MTMR7: variants seen among roughly 807,000 people sequenced by gnomAD.
MTMR7 encodes myotubularin related protein 7.
In MTMR7, 76 loss-of-function variants were observed where a neutral mutation model predicts 81.2. That is an observed-to-expected ratio of 0.94 (90% CI 0.78 to 1.13). MTMR7 has a LOEUF of 1.13. MTMR7 is among the 50% of genes most tolerant of loss of function. The probability of loss-of-function intolerance (pLI) is 0.00; values close to 1 mark genes in which losing one functional copy is unlikely to be tolerated. For missense variants in MTMR7, 1,044 were observed against 820.0 expected (o/e 1.27, Z -3.34); for synonymous variants, 372 against 289.8 (o/e 1.28, Z -2.88).
At chr8:17,391,131 G>C (rs1027330476) in intron 1 of MTMR7, among the ~76,000 whole-genome samples, 1 of 152,182 alleles carries the variant, frequency 6.6e-6, no homozygotes, top group African/African-American at 2.4e-5. Context: ...GGGTCTACGA[G>C]GACGTGAGGA....
chr8:17,378,895 CA>C (rs373332340), intron 1 of MTMR7, among the ~76,000 whole-genome samples: 177 of 152,098 alleles, frequency 1.2e-3, no homozygotes, highest in African/African-American at 4.1e-3. Flanking sequence ...TAGTCTTTAG[CA>C]CATAAAAGAT....
At chr8:17,364,172 G>T (rs1820148748) in intron 3 of MTMR7, among the ~76,000 whole-genome samples, 1 of 151,652 alleles carries the variant, frequency 6.6e-6, no homozygotes, top group Non-Finnish European at 1.5e-5. Context: ...TGGGACTACA[G>T]GAGCCCGCCA....
intron 5 of MTMR7, among the ~76,000 whole-genome samples, chr8:17,345,702 G>C (rs1819533988): frequency 6.6e-6 from 1 of 152,180 alleles, no homozygotes; most frequent in South Asian, 2.1e-4. Flanking sequence ...GATACAAAGG[G>C]AAAGATGGAC....
chr8:17,409,992 G>C (rs1821694513), intron 1 of MTMR7, among the ~76,000 whole-genome samples: 1 of 152,146 alleles, frequency 6.6e-6, no homozygotes, highest in Admixed American at 6.5e-5. Context: ...AGTCTACAAA[G>C]GGCCTTACGA....
intron 1 of MTMR7, among the ~76,000 whole-genome samples, chr8:17,399,942 G>A (rs534022449): frequency 8.3e-4 from 125 of 150,586 alleles, no homozygotes; most frequent in Middle Eastern, 3.5e-3. Flanking sequence ...TCTATCACCT[G>A]AGATTAAATT....
At chr8:17,405,771 G>C (rs1585127635) in intron 1 of MTMR7, among the ~76,000 whole-genome samples, 1 of 149,426 alleles carries the variant, frequency 6.7e-6, no homozygotes, top group Non-Finnish European at 1.5e-5. Flanking sequence ...CTTTTCAGAA[G>C]GTTTAATAAA....
chr8:17,343,333 G>A (rs1819460683), intron 5 of MTMR7, among the ~76,000 whole-genome samples: 1 of 152,130 alleles, frequency 6.6e-6, no homozygotes, highest in Non-Finnish European at 1.5e-5. Context: ...AGGGGGCTGA[G>A]GCAGGAGAAT....
At chr8:17,409,641 T>A (rs1373120534) in intron 1 of MTMR7, among the ~76,000 whole-genome samples, 1 of 152,162 alleles carries the variant, frequency 6.6e-6, no homozygotes, top group African/African-American at 2.4e-5. Flanking sequence ...GCAGGGGAGC[T>A]TGACATTAAA....
intron 1 of MTMR7, among the ~76,000 whole-genome samples, chr8:17,400,859 C>T (rs893736358): frequency 1.3e-5 from 2 of 152,128 alleles, no homozygotes; most frequent in Admixed American, 1.3e-4. Flanking sequence ...ATTGTCTAAG[C>T]CAAGTAATCA....
chr8:17,367,874 T>A (rs1481419164), intron 3 of MTMR7, among the ~76,000 whole-genome samples: 1 of 151,808 alleles, frequency 6.6e-6, no homozygotes, highest in African/African-American at 2.4e-5. Flanking sequence ...TGGGGTTTTT[T>A]TTTTTTTTTT....
intron 10 of MTMR7, among the ~76,000 whole-genome samples, chr8:17,308,644 G>C (rs1297918870): frequency 6.6e-6 from 1 of 152,140 alleles, no homozygotes; most frequent in Non-Finnish European, 1.5e-5. Flanking sequence ...TCAAAGAGTA[G>C]AGAACACCAG....
intron 5 of MTMR7, among the ~76,000 whole-genome samples, chr8:17,342,243 A>G (rs1819428412): frequency 6.6e-6 from 1 of 152,202 alleles, no homozygotes; most frequent in Non-Finnish European, 1.5e-5. Context: ...TGCAGCTATA[A>G]AACTTCGGCT....
chr8:17,320,248 C>T (rs572320323), intron 7 of MTMR7, among the ~76,000 whole-genome samples: 128 of 152,126 alleles, frequency 8.4e-4, no homozygotes, highest in Non-Finnish European at 1.0e-3. Flanking sequence ...CTTCTATGCA[C>T]AGTATTGACT....
chr8:17,344,442 C>G (rs372935322), intron 5 of MTMR7, among the ~76,000 whole-genome samples: 6 of 152,134 alleles, frequency 3.9e-5, no homozygotes, highest in East Asian at 1.9e-4. Flanking sequence ...TGAAACCTGT[C>G]TCTACCAAAA....
intron 4 of MTMR7, among the ~76,000 whole-genome samples, chr8:17,355,380 T>G (rs1819860697): frequency 6.6e-6 from 1 of 152,154 alleles, no homozygotes; most frequent in African/African-American, 2.4e-5. Flanking sequence ...GAAGATTCAG[T>G]GTCATGGAAG....
chr8:17,368,102 A>G (rs1820289901), intron 3 of MTMR7, among the ~76,000 whole-genome samples: 1 of 152,010 alleles, frequency 6.6e-6, no homozygotes, highest in Non-Finnish European at 1.5e-5. Flanking sequence ...GTTGGGGGAT[A>G]GTTTCAGGAT....
chr8:17,353,629 C>T (rs1403665308), intron 4 of MTMR7, among the ~76,000 whole-genome samples: 1 of 152,214 alleles, frequency 6.6e-6, no homozygotes, highest in Admixed American at 6.5e-5. Flanking sequence ...TTTGGAAAAC[C>T]ACCTGACAAA....
At chr8:17,369,749 C>A (rs1820354331) in intron 3 of MTMR7, among the ~76,000 whole-genome samples, 1 of 150,862 alleles carries the variant, frequency 6.6e-6, no homozygotes, top group Admixed American at 6.6e-5. Flanking sequence ...AGGTTCACGC[C>A]ATCCTCCTGC....
chr8:17,364,170 C>A (rs1193997402), intron 3 of MTMR7, among the ~76,000 whole-genome samples: 2 of 151,608 alleles, frequency 1.3e-5, no homozygotes, highest in African/African-American at 2.4e-5. Flanking sequence ...GCTGGGACTA[C>A]AGGAGCCCGC....
Sources: gnomAD v4.1 joint callset for allele counts (sites outside exome capture counted in the v4.1 genomes callset) on GRCh38, gnomAD v4.1.1 for gene constraint, MANE v1.5 for transcripts, NCBI Gene and HGNC (gene_info 2026-07-23, HGNC 2026-07-21) for gene names.